Variants in FRMPD4 observed in about 807,000 individuals in gnomAD.
The protein encoded by FRMPD4 is FERM and PDZ domain-containing protein 4.
A neutral mutation model predicts 94.1 loss-of-function variants in FRMPD4; 22 were observed. That is an observed-to-expected ratio of 0.23 (90% CI 0.17 to 0.33). The LOEUF (loss-of-function observed/expected upper bound fraction) is 0.33, where lower values mean the gene tolerates loss of function less well. Among genes scored for constraint, FRMPD4 ranks in the 10% least tolerant of loss-of-function variants. FRMPD4 has a pLI of 1.00. For synonymous variants in FRMPD4, 631 were observed against 548.6 expected, an observed-to-expected ratio of 1.15 and a Z score of -2.10; for missense variants, 1,111 against 1,339.9, an observed-to-expected ratio of 0.83 and a Z score of 2.67.
At chrX:11,947,617 A>G (rs1049536776) in intron 3 of FRMPD4, among the ~76,000 whole-genome samples, 6 of 111,935 alleles carry the variant, frequency 5.4e-5, no homozygotes, top group African/African-American at 1.9e-4. Context: ...TAAATAATGA[A>G]CTGGAGTCAG....
chrX:12,627,476 G>A (rs1174142959), intron 4 of FRMPD4, among the ~76,000 whole-genome samples: 1 of 111,799 alleles, frequency 8.9e-6, no homozygotes, highest in Non-Finnish European at 1.9e-5. Flanking sequence ...CAGCATACAC[G>A]TTTTCTGATA....
chrX:11,921,541 A>G (rs1307143958), intron 3 of FRMPD4, among the ~76,000 whole-genome samples: 1 of 112,416 alleles, frequency 8.9e-6, no homozygotes, highest in Non-Finnish European at 1.9e-5. Flanking sequence ...CCCATTGACT[A>G]GGACTTGGCC....
intron 3 of FRMPD4, among the ~76,000 whole-genome samples, chrX:11,941,378 A>G (rs1003368761): frequency 1.8e-5 from 2 of 111,576 alleles, no homozygotes; most frequent in African/African-American, 6.5e-5. Flanking sequence ...GAGAAATCCC[A>G]TATGTTTACC....
rs58206787 is a variant in FRMPD4 at position 12,228,167 on chromosome X, A to T, written c.41+89155A>T. Among the ~76,000 whole-genome samples the T allele has an allele frequency of 1.6e-4, 18 of 112,373 alleles. No homozygotes were observed. In the East Asian group the frequency reaches 5.0e-3, roughly 31 times the overall value. On this transcript the variant is annotated intron_variant, in intron 1 of 16. Transcript: ENST00000675598. ...CAAATACATTTTGAAAATGCTGATT[A>T]TTATACCGTCCCTTTGGGGATTTAC...
chrX:11,924,851 G>T (rs2054077209), intron 3 of FRMPD4, among the ~76,000 whole-genome samples: 1 of 111,472 alleles, frequency 9.0e-6, no homozygotes, highest in Admixed American at 9.5e-5. Context: ...ACATAAACAA[G>T]TCTGCAAAAT....
chrX:12,170,185 G>GTT (rs58430445), intron 1 of FRMPD4, among the ~76,000 whole-genome samples: 1,540 of 96,838 alleles, frequency 0.016, 6 homozygotes, highest in African/African-American at 0.031. Flanking sequence ...TTTCCACAGA[G>GTT]TTTTTTTTTT....
chrX:12,439,165 G>A (rs1243495887), intron 1 of FRMPD4, among the ~76,000 whole-genome samples: 3 of 111,302 alleles, frequency 2.7e-5, no homozygotes, highest in South Asian at 7.7e-4. Flanking sequence ...GGTTTTCTAC[G>A]TTCAGGATTC....
chrX:12,189,623 A>G (rs1246465654), intron 1 of FRMPD4, among the ~76,000 whole-genome samples: 1 of 112,044 alleles, frequency 8.9e-6, no homozygotes, highest in African/African-American at 3.2e-5. Flanking sequence ...AAAATTAATT[A>G]ATGAAATCCA....
intron 3 of FRMPD4, among the ~76,000 whole-genome samples, chrX:12,129,162 T>C (rs1371618362): frequency 8.9e-6 from 1 of 112,069 alleles, no homozygotes; most frequent in Non-Finnish European, 1.9e-5. Context: ...GGTACCAGTT[T>C]ACTGTATTAG....
At chrX:12,679,808 A>C (rs1410390553) in intron 5 of FRMPD4, among the ~76,000 whole-genome samples, 2 of 111,672 alleles carry the variant, frequency 1.8e-5, no homozygotes, top group African/African-American at 6.5e-5. Context: ...CCAGTTGCCT[A>C]TAATGGTGCC....
intron 1 of FRMPD4, among the ~76,000 whole-genome samples, chrX:12,271,605 T>C (rs1006621383): frequency 4.5e-5 from 5 of 112,333 alleles, no homozygotes; most frequent in South Asian, 7.4e-4. Flanking sequence ...TCTTTGCTGC[T>C]CACCTGTGCC....
intron 3 of FRMPD4, among the ~76,000 whole-genome samples, chrX:12,098,328 A>G (rs2055224887): frequency 8.9e-6 from 1 of 112,057 alleles, no homozygotes; most frequent in Non-Finnish European, 1.9e-5. Context: ...GTTGACATAA[A>G]ACCTATTACA....
At chrX:11,859,962 T>C (rs2053676463) in intron 1 of FRMPD4, among the ~76,000 whole-genome samples, 1 of 112,138 alleles carries the variant, frequency 8.9e-6, no homozygotes, top group Non-Finnish European at 1.9e-5. Context: ...GCACTTGTCC[T>C]ACCCTTTATA....
intron 1 of FRMPD4, among the ~76,000 whole-genome samples, chrX:12,300,010 G>T (rs528485032): frequency 8.9e-6 from 1 of 112,256 alleles, no homozygotes; most frequent in East Asian, 2.8e-4. Flanking sequence ...AGGAAATCAC[G>T]TGAAAACAGA....
chrX:12,461,956 CAG>C (rs2057395253), intron 1 of FRMPD4, among the ~76,000 whole-genome samples: 1 of 111,957 alleles, frequency 8.9e-6, no homozygotes, highest in South Asian at 3.7e-4. Flanking sequence ...CTTCCAGCAA[CAG>C]AGGTTTGTTT....
At chrX:12,300,507 C>T (rs768072691) in intron 1 of FRMPD4, among the ~76,000 whole-genome samples, 2 of 112,152 alleles carry the variant, frequency 1.8e-5, no homozygotes, top group Non-Finnish European at 1.9e-5. Context: ...TCAGATGTTT[C>T]CACTTGGAAA....
rs3066486 is a variant in FRMPD4 at position 12,553,434 on chromosome X, C to CTATATATA, written c.158+54664_158+54671dup. Among the ~76,000 whole-genome samples, 259 of 39,617 alleles carry CTATATATA rather than the reference C, an allele frequency of 6.5e-3. 2 individuals carry two copies. The highest frequency in any genetic ancestry group is 8.1e-3 in the African/African-American group (78 of 9,611). The allele number at this position is 39,617 out of a possible 115,157, so 34.4% of individuals were successfully genotyped here. ...AGTTTTGTGAGATCTATCCATATGC[C>CTATATATA]TATATATATATATATATATATATAT... On this transcript the variant is annotated intron_variant, in intron 2 of 16. Coordinates refer to ENST00000675598, the MANE Select transcript of FRMPD4 (RefSeq NM_001368397.1).
At chrX:12,528,294 TGTTA>T (rs1029431739) in intron 2 of FRMPD4, among the ~76,000 whole-genome samples, 1 of 106,934 alleles carries the variant, frequency 9.4e-6, no homozygotes, top group Non-Finnish European at 1.9e-5. Context: ...GTAGCCAGTC[TGTTA>T]GTCTGTTTTT....
chrX:12,704,098 C>T (rs1279024739), intron 10 of FRMPD4, among the ~76,000 whole-genome samples: 2 of 112,726 alleles, frequency 1.8e-5, no homozygotes, highest in African/African-American at 6.4e-5. Flanking sequence ...TGTCTCTTCA[C>T]TTTACATTGG....
Sources: gnomAD v4.1 joint callset for allele counts (sites outside exome capture counted in the v4.1 genomes callset) on GRCh38, gnomAD v4.1.1 for gene constraint, MANE v1.5 for transcripts, NCBI Gene and HGNC (gene_info 2026-07-23, HGNC 2026-07-21) for gene names.